PEBP4: variants seen among roughly 807,000 people sequenced by gnomAD.
The protein encoded by PEBP4 is phosphatidylethanolamine-binding protein 4.
A neutral mutation model predicts 23.9 loss-of-function variants in PEBP4; 22 were observed. The observed-to-expected ratio is 0.92, with a 90% CI of 0.66 to 1.31. PEBP4 has a LOEUF of 1.31. PEBP4 is among the 40% of genes most tolerant of loss of function. PEBP4 has a pLI of 0.00. For synonymous variants in PEBP4, 112 were observed against 99.3 expected (o/e 1.13, Z -0.76); for missense variants, 324 against 281.7 (o/e 1.15, Z -1.07).
chr8:22,722,136 G>T lies in PEBP4; in HGVS notation c.517+2707C>A, dbSNP rs553624462. Reference sequence around the variant, plus strand: ...ACCTGCAAAAGCCACTCCTCTGCCGGACTTCTGAGAACCTTGTTTTTCCCC... The same window carrying T: ...ACCTGCAAAAGCCACTCCTCTGCCGTACTTCTGAGAACCTTGTTTTTCCCC... On this transcript the variant is annotated intron_variant, in intron 6 of 6. Transcript: ENST00000256404. Among the ~76,000 whole-genome samples, 128 of 151,918 alleles carry T rather than the reference G, an allele frequency of 8.4e-4. 1 individual carries two copies. The highest frequency in any genetic ancestry group is 3.0e-3 in the African/African-American group (123 of 41,414).
chr8:22,753,870 T>G (rs952879220), intron 4 of PEBP4, among the ~76,000 whole-genome samples: 1 of 152,134 alleles, frequency 6.6e-6, no homozygotes, highest in Non-Finnish European at 1.5e-5. Flanking sequence ...TGGACAGCTG[T>G]GCGGGGAACA....
intron 4 of PEBP4, among the ~76,000 whole-genome samples, chr8:22,763,108 G>T (rs777580128): frequency 3.9e-5 from 6 of 152,026 alleles, no homozygotes; most frequent in African/African-American, 1.5e-4. Context: ...GTGTTCAAGC[G>T]ATTCTCCGAC....
intron 3 of PEBP4, among the ~76,000 whole-genome samples, chr8:22,905,136 C>T (rs1563255950): frequency 6.6e-6 from 1 of 152,098 alleles, no homozygotes; most frequent in South Asian, 2.1e-4. Flanking sequence ...AAGAAAAGAA[C>T]ACAAACTGTC....
intron 4 of PEBP4, among the ~76,000 whole-genome samples, chr8:22,738,125 A>G (rs1316996074): frequency 6.6e-6 from 1 of 152,194 alleles, no homozygotes; most frequent in Non-Finnish European, 1.5e-5. Flanking sequence ...GCCTATACTC[A>G]GCCAGGGTGC....
intron 3 of PEBP4, among the ~76,000 whole-genome samples, chr8:22,827,746 G>A (rs564696902): frequency 4.6e-5 from 7 of 152,274 alleles, no homozygotes; most frequent in East Asian, 1.9e-4. Context: ...TTGCTTAGAC[G>A]TCTAGAGTGG....
intron 3 of PEBP4, among the ~76,000 whole-genome samples, chr8:22,828,049 A>G (rs1807009110): frequency 6.6e-6 from 1 of 152,196 alleles, no homozygotes; most frequent in South Asian, 2.1e-4. Context: ...TTTCTTGCCC[A>G]TTTAAAAATT....
chr8:22,728,543 C>CTTT (rs1804663557), intron 4 of PEBP4, among the ~76,000 whole-genome samples: 7 of 115,342 alleles, frequency 6.1e-5, no homozygotes, highest in Non-Finnish European at 7.7e-5. Flanking sequence ...TTTCTTCCTT[C>CTTT]CTTTCTTTCT....
At chr8:22,752,727 C>T (rs1476449321) in intron 4 of PEBP4, among the ~76,000 whole-genome samples, 1 of 152,244 alleles carries the variant, frequency 6.6e-6, no homozygotes, top group Non-Finnish European at 1.5e-5. Flanking sequence ...AGCTGGTTCC[C>T]ACCAAGGCAA....
chr8:22,864,526 C>T (rs1483236082), intron 3 of PEBP4, among the ~76,000 whole-genome samples: 1 of 152,144 alleles, frequency 6.6e-6, no homozygotes, highest in African/African-American at 2.4e-5. Context: ...GGGTCCCATC[C>T]GCATATCCTA....
chr8:22,826,615 G>A (rs533697351), intron 3 of PEBP4, among the ~76,000 whole-genome samples: 1 of 152,166 alleles, frequency 6.6e-6, no homozygotes, highest in African/African-American at 2.4e-5. Flanking sequence ...GATATGAAAA[G>A]CTCTCCAGGA....
intron 3 of PEBP4, among the ~76,000 whole-genome samples, chr8:22,902,028 G>C (rs547692002): frequency 6.6e-6 from 1 of 152,288 alleles, no homozygotes; most frequent in South Asian, 2.1e-4. Flanking sequence ...AAAAACCTAC[G>C]TAAATTTTAG....
In PEBP4 at chr8:22,824,802, G is replaced by A. The variant is rs559528662; in HGVS notation, c.259-7067C>T. On this transcript the variant is annotated intron_variant, in intron 3 of 6. Transcript: ENST00000256404. The stretch of plus-strand genomic sequence containing the variant: ...TCTAATGCCACAGCCAAACTGACAG[G>A]AGGTGGAGCCCAGGTGGTAACAGGA... 3.9e-4 allele frequency among the ~76,000 whole-genome samples: 60 copies of A among 152,304 alleles called. 2 individuals carry two copies. The highest frequency in any genetic ancestry group is 1.4e-3 in the African/African-American group (58 of 41,540).
chr8:22,860,870 T>C (rs1236094410), intron 3 of PEBP4, among the ~76,000 whole-genome samples: 1 of 152,228 alleles, frequency 6.6e-6, no homozygotes, highest in Non-Finnish European at 1.5e-5. Flanking sequence ...GCCCTGACTG[T>C]CCATGTTCAT....
chr8:22,850,399 G>A (rs1466677666), intron 3 of PEBP4, among the ~76,000 whole-genome samples: 2 of 152,216 alleles, frequency 1.3e-5, no homozygotes, highest in South Asian at 2.1e-4. Flanking sequence ...AAGGAACAAA[G>A]CCAGGGGCTT....
chr8:22,778,385 C>A (rs4871832), intron 4 of PEBP4, among the ~76,000 whole-genome samples: 55,705 of 146,122 alleles, frequency 0.38, 12,243 homozygotes, highest in Non-Finnish European at 0.49. Context: ...AGAGCTTGAA[C>A]TTTTTTTTTT....
At chr8:22,798,173 G>C (rs1396023700) in intron 4 of PEBP4, among the ~76,000 whole-genome samples, 1 of 152,122 alleles carries the variant, frequency 6.6e-6, no homozygotes, top group African/African-American at 2.4e-5. Flanking sequence ...GGGGTCCTAG[G>C]TGTACTCATC....
chr8:22,765,271 G>C (rs917453490), intron 4 of PEBP4, among the ~76,000 whole-genome samples: 7 of 152,080 alleles, frequency 4.6e-5, no homozygotes, highest in African/African-American at 1.5e-4. Context: ...AGCCTCATGA[G>C]TAGCTGAGAC....
At chr8:22,795,855 T>C (rs1025874317) in intron 4 of PEBP4, among the ~76,000 whole-genome samples, 2 of 152,244 alleles carry the variant, frequency 1.3e-5, no homozygotes, top group Non-Finnish European at 2.9e-5. Flanking sequence ...ATTTACCTTA[T>C]TTTCTGAATC....
chr8:22,848,244 C>T (rs1807480681), intron 3 of PEBP4, among the ~76,000 whole-genome samples: 1 of 152,114 alleles, frequency 6.6e-6, no homozygotes, highest in African/African-American at 2.4e-5. Flanking sequence ...TGTCAGTCAC[C>T]AGCCAGAGAG....
Sources: gnomAD v4.1 joint callset for allele counts (sites outside exome capture counted in the v4.1 genomes callset) on GRCh38, gnomAD v4.1.1 for gene constraint, MANE v1.5 for transcripts, NCBI Gene and HGNC (gene_info 2026-07-23, HGNC 2026-07-21) for gene names.